Variants in RTF2 observed in about 807,000 individuals in gnomAD.
RTF2 encodes UPF0549 protein C20orf43.
RTF2 carries 18 observed loss-of-function variants against 38.0 expected under a neutral mutation model. The ratio of observed to expected loss-of-function variants is 0.47; its 90% CI spans 0.33 to 0.70. The LOEUF (loss-of-function observed/expected upper bound fraction) is 0.70, where lower values mean the gene tolerates loss of function less well. Ranked by LOEUF, RTF2 falls within the 30% of genes least tolerant of loss-of-function variation. RTF2 has a pLI of 0.02. For missense variants in RTF2, 311 were observed against 379.6 expected, an observed-to-expected ratio of 0.82 and a Z score of 1.50; for synonymous variants, 126 against 137.1, an observed-to-expected ratio of 0.92 and a Z score of 0.57.
chr20:56,509,745 TC>T (rs1298233423), intron 5 of RTF2, among the ~76,000 whole-genome samples: 3 of 152,154 alleles, frequency 2.0e-5, no homozygotes, highest in Non-Finnish European at 4.4e-5. Context: ...GAGAGGCAGT[TC>T]CTCCAAAGGT....
chr20:56,499,951 G>A (rs1442140488), intron 5 of RTF2, among the ~76,000 whole-genome samples: 1 of 152,010 alleles, frequency 6.6e-6, no homozygotes, highest in African/African-American at 2.4e-5. Flanking sequence ...GGCCAGGCTG[G>A]TCTTGAACTC....
Position 56,518,565 on chromosome 20 carries a change from A to G in RTF2, c.*300A>G, listed in dbSNP as rs964535027. On this transcript the variant is annotated 3_prime_UTR_variant, in exon 9 of 9. Transcript: ENST00000357348. ...TGCACTTTTTATGCTTGCAGTAACA[A>G]GAGACTCCAGAGTCCTCACCGGTGC... 6 of 288,338 alleles carry G rather than the reference A, an allele frequency of 2.1e-5. No homozygotes were observed. Among genetic ancestry groups the G allele is most frequent in the African/African-American group, 1.1e-4 (5 of 46,126 alleles). The allele number at this position is 288,338 out of a possible 1,614,324, so 17.9% of individuals were successfully genotyped here.
intron 5 of RTF2, chr20:56,497,482 C>T: frequency 6.7e-7 from 1 of 1,503,026 alleles, no homozygotes; most frequent in Non-Finnish European, 9.0e-7. Flanking sequence ...CCACATTCTA[C>T]TACTTCTGGT....
chr20:56,510,638 C>T (rs993875419), intron 5 of RTF2, among the ~76,000 whole-genome samples: 1 of 152,162 alleles, frequency 6.6e-6, no homozygotes, highest in Non-Finnish European at 1.5e-5. Flanking sequence ...AGGGTAAAAT[C>T]AATGAAATCT....
At chr20:56,469,852 T>C (rs1370226096) in intron 1 of RTF2, among the ~76,000 whole-genome samples, 1 of 152,110 alleles carries the variant, frequency 6.6e-6, no homozygotes, top group Non-Finnish European at 1.5e-5. Flanking sequence ...CAACCTGGAG[T>C]GTGAGTTCAT....
At chr20:56,504,077 G>A (rs1162612104) in intron 5 of RTF2, 1 of 152,336 alleles carries the variant, frequency 6.6e-6, no homozygotes, top group African/African-American at 2.4e-5. Flanking sequence ...CCTGGTTCCT[G>A]GAGGGGGAGT....
intron 5 of RTF2, among the ~76,000 whole-genome samples, chr20:56,511,873 C>T (rs1157167684): frequency 6.6e-6 from 1 of 152,112 alleles, no homozygotes; most frequent in Non-Finnish European, 1.5e-5. Context: ...CGCTCTGTCG[C>T]CCAGGCTGGA....
At position 56,474,716 on chromosome 20, in the gene RTF2, A is replaced by G; in HGVS notation, c.203A>G (p.Asp68Gly). 1 of 1,611,958 alleles carries G rather than the reference A, an allele frequency of 6.2e-7. No homozygotes were observed. The highest frequency in any genetic ancestry group is 2.2e-5 in the East Asian group (1 of 44,830). ...NKDAVIEFLL[D>G]KSAEKALGKA... ...GATGCCGTCATTGAATTTCTCTTGG[A>G]CAAATCTGCAGAAAAGGCTCTTGGG... is the stretch of plus-strand genomic sequence containing the variant. The change falls in exon 3 of 9, where the codon GAC (aspartate) becomes GGC (glycine). Residue 68 changes from aspartate (D) to glycine (G), a missense_variant. Coordinates refer to ENST00000357348, the MANE Select transcript of RTF2 (RefSeq NM_016407.5).
At chr20:56,507,891 A>G (rs1984381922) in intron 5 of RTF2, among the ~76,000 whole-genome samples, 1 of 152,096 alleles carries the variant, frequency 6.6e-6, no homozygotes, top group African/African-American at 2.4e-5. Context: ...GGAAAGCTCT[A>G]CTCAGACCTC....
intron 4 of RTF2, among the ~76,000 whole-genome samples, chr20:56,480,155 G>T (rs1471413363): frequency 3.9e-5 from 6 of 152,192 alleles, no homozygotes; most frequent in Non-Finnish European, 4.4e-5. Flanking sequence ...AAAATCTGTT[G>T]TCTAGTGTAC....
intron 4 of RTF2, 78 bp downstream of exon 4, chr20:56,477,202 T>C: frequency 6.5e-7 from 1 of 1,545,084 alleles, no homozygotes; most frequent in East Asian, 2.3e-5. Context: ...GTGCCGGAGC[T>C]TAGCAGTCAT....
chr20:56,496,744 C>A, intron 5 of RTF2: 3 of 1,552,160 alleles, frequency 1.9e-6, no homozygotes, highest in East Asian at 4.9e-5. Flanking sequence ...ATGAACTCTA[C>A]AAACTTCCTT....
In RTF2 at chr20:56,499,096, C is replaced by T. The variant is rs114241811; in HGVS notation, c.478-14219C>T. ...CAGCCACTGCCGAGGTATGTCAGGC[C>T]GCAGTGTGTTCCACTGGTTCAGTAA... On this transcript the variant is annotated intron_variant, in intron 5 of 8. Transcript: ENST00000357348. Among the ~76,000 whole-genome samples the T allele has an allele frequency of 1.8e-3, 273 of 152,216 alleles. 2 individuals carry two copies. The highest frequency in any genetic ancestry group is 6.4e-3 in the African/African-American group (264 of 41,536).
At position 56,468,667 on chromosome 20, in the gene RTF2, G is replaced by C; in HGVS notation, c.-31G>C. ...AATCCCGGAAGTGACAGCTTTGGGG[G>C]TTTGCTGCTGGCTCTGACTCCCGTC... On this transcript the variant is annotated 5_prime_UTR_variant, in exon 1 of 9. Transcript: ENST00000357348. 6.4e-7 allele frequency: 1 copy of C among 1,553,112 alleles called. No individual in the cohort carries two copies. The highest frequency in any genetic ancestry group is 8.7e-7 in the Non-Finnish European group (1 of 1,146,736).
At chr20:56,513,807 ATTTAAGGC>A in intron 6 of RTF2, 1 of 219,764 alleles carries the variant, frequency 4.6e-6, no homozygotes, top group South Asian at 7.5e-5. Flanking sequence ...GTTGCTGTTG[ATTTAAGGC>A]AGTACATACT....
At chr20:56,506,120 T>C (rs1162755002) in intron 5 of RTF2, among the ~76,000 whole-genome samples, 1 of 152,236 alleles carries the variant, frequency 6.6e-6, no homozygotes, top group Admixed American at 6.5e-5. Context: ...CTTTGAAATA[T>C]TTCCTTAGGC....
chr20:56,498,129 A>G (rs1000828762), intron 5 of RTF2, among the ~76,000 whole-genome samples: 9 of 152,216 alleles, frequency 5.9e-5, no homozygotes, highest in African/African-American at 2.2e-4. Context: ...GAAAAATCTC[A>G]AATACTTACT....
intron 4 of RTF2, among the ~76,000 whole-genome samples, chr20:56,479,660 A>T (rs537460875): frequency 6.6e-6 from 1 of 152,290 alleles, no homozygotes; most frequent in African/African-American, 2.4e-5. Flanking sequence ...TGTATTTTTA[A>T]ATAAGACTTT....
intron 5 of RTF2, among the ~76,000 whole-genome samples, chr20:56,507,699 G>C (rs1017052908): frequency 1.3e-5 from 2 of 152,140 alleles, no homozygotes; most frequent in Non-Finnish European, 2.9e-5. Context: ...AGAAACCCAG[G>C]AGGAGAGAAA....
Sources: gnomAD v4.1 joint callset for allele counts (sites outside exome capture counted in the v4.1 genomes callset) on GRCh38, gnomAD v4.1.1 for gene constraint, MANE v1.5 for transcripts, NCBI Gene and HGNC (gene_info 2026-07-23, HGNC 2026-07-21) for gene names.